USP46: variants seen among roughly 807,000 people sequenced by gnomAD.
The protein encoded by USP46 is ubiquitin carboxyl-terminal hydrolase 46.
Under a neutral mutation model 44.4 loss-of-function variants are expected in USP46, and 12 were observed. The observed-to-expected ratio is 0.27, with a 90% CI of 0.17 to 0.44. The LOEUF (loss-of-function observed/expected upper bound fraction) is 0.44. USP46 is among the 20% of genes least tolerant of loss of function. USP46 has a pLI of 1.00. For missense variants in USP46, 248 were observed against 444.8 expected (o/e 0.56, Z 3.98); for synonymous variants, 155 against 161.5 (o/e 0.96, Z 0.31).
intron 1 of USP46, among the ~76,000 whole-genome samples, chr4:52,649,667 A>G (rs148029655): frequency 1.1e-4 from 17 of 152,302 alleles, no homozygotes; most frequent in African/African-American, 3.9e-4. Context: ...ATACTGCTTT[A>G]CTCCAAGGCA....
chr4:52,602,832 TC>T (rs1016765833), intron 6 of USP46, among the ~76,000 whole-genome samples: 1 of 151,490 alleles, frequency 6.6e-6, no homozygotes, highest in Non-Finnish European at 1.5e-5. Context: ...ATGTTGCACT[TC>T]CCAAACTTAT....
At chr4:52,612,395 G>A (rs903410311) in intron 4 of USP46, among the ~76,000 whole-genome samples, 2 of 152,118 alleles carry the variant, frequency 1.3e-5, no homozygotes, top group African/African-American at 4.8e-5. Flanking sequence ...TGCCTCTACT[G>A]GCTTCTTTGT....
chr4:52,632,990 A>AAAAGAAAGAAAGAAAGAAAGAAAGAAAG (rs71195120), intron 1 of USP46, among the ~76,000 whole-genome samples: 20 of 66,332 alleles, frequency 3.0e-4, no homozygotes, highest in Admixed American at 1.3e-3. Context: ...GAAAGAAAAG[A>AAAAGAAAGAAAGAAAGAAAGAAAGAAAG]AAAGAAAGAA....
At chr4:52,615,825 G>GA (rs200022155) in intron 4 of USP46, among the ~76,000 whole-genome samples, 2 of 151,638 alleles carry the variant, frequency 1.3e-5, no homozygotes, top group East Asian at 1.9e-4. Context: ...ATTACTTAAA[G>GA]AAAAAAAATC....
rs748842503 is a variant in USP46 at position 52,628,152 on chromosome 4, T to C, written c.129A>G (p.Thr43=). The change falls in exon 3 of 9, where the codon ACA becomes ACG. Residue 43 remains threonine, a synonymous_variant. Transcript: ENST00000441222. ...CCTGAAGCACGGAGTTACAGTAGCA[T>C]GTGTTTCCAAACTGCCAAGGGACAA... ...HYFGLVNFGN[T]CYCNSVLQAL... The C allele has an allele frequency of 1.2e-6, 2 of 1,613,708 alleles. No individual in the cohort carries two copies. Among genetic ancestry groups the C allele is most frequent in the South Asian group, 2.2e-5 (2 of 91,060 alleles).
chr4:52,650,455 A>G (rs1718713346), intron 1 of USP46, among the ~76,000 whole-genome samples: 2 of 152,246 alleles, frequency 1.3e-5, no homozygotes, highest in Non-Finnish European at 2.9e-5. Flanking sequence ...CAACTTCAGG[A>G]AAATGGTTTG....
intron 1 of USP46, among the ~76,000 whole-genome samples, chr4:52,645,078 A>T (rs940492082): frequency 1.3e-5 from 2 of 151,998 alleles, no homozygotes; most frequent in Non-Finnish European, 2.9e-5. Flanking sequence ...AACAAAAATT[A>T]GCCGGACATG....
At chr4:52,628,210 G>A (rs766146966) in intron 2 of USP46, 47 bp from the exon 3 acceptor site, 24 of 1,580,312 alleles carry the variant, frequency 1.5e-5, no homozygotes, top group Non-Finnish European at 2.0e-5. Flanking sequence ...CTGGGGATGA[G>A]CCACCTCTGG....
chr4:52,657,408 T>C (rs948065572), intron 1 of USP46, among the ~76,000 whole-genome samples: 1 of 152,104 alleles, frequency 6.6e-6, no homozygotes, highest in Non-Finnish European at 1.5e-5. Context: ...GCTGGCTTCC[T>C]CTAGGGGCAT....
intron 1 of USP46, among the ~76,000 whole-genome samples, chr4:52,635,488 T>G (rs1030500475): frequency 2.6e-5 from 4 of 152,178 alleles, no homozygotes; most frequent in South Asian, 4.2e-4. Flanking sequence ...TCATTTCCAA[T>G]GGTCCCCAAG....
In USP46 at chr4:52,640,924, AT is replaced by A. The variant is rs561028798; in HGVS notation, c.37-9781del. ...AAATACCTCAGAGCTGTATTTGGCC[AT>A]TTTTTTTTTTTTACCACTATGAAAT... On this transcript the variant is annotated intron_variant, in intron 1 of 8. Transcript: ENST00000441222. Among the ~76,000 whole-genome samples, 851 of 144,430 alleles carry A rather than the reference AT, an allele frequency of 5.9e-3. 2 individuals are homozygous for A. Among genetic ancestry groups the A allele is most frequent in the African/African-American group, 0.013 (528 of 39,746 alleles). The allele number at this position is 144,430 out of a possible 152,430, so 94.8% of individuals were successfully genotyped here.
Position 52,591,527 on chromosome 4 carries a change from C to T in USP46, c.*6113G>A, listed in dbSNP as rs750073280. 4.6e-5 allele frequency: 7 copies of T among 152,132 alleles called. No individual in the cohort carries two copies. Among genetic ancestry groups the T allele is most frequent in the African/African-American group, 1.2e-4 (5 of 41,412 alleles). 9.4% of individuals were successfully genotyped at this position (152,132 alleles called of 1,614,324 possible). ...GAAAGAAAAAAGTGAAAGATGCATCCGTGTAATTGACAACCTGAGTACGAT... is the reference window on the plus strand; with the variant it reads ...GAAAGAAAAAAGTGAAAGATGCATCTGTGTAATTGACAACCTGAGTACGAT... On this transcript the variant is annotated 3_prime_UTR_variant, in exon 9 of 9. Transcript: ENST00000441222.
Position 52,628,183 on chromosome 4 carries a change from A to C in USP46, c.118-20T>G. On this transcript the variant is annotated intron_variant, in intron 2 of 8. Coordinates refer to ENST00000441222, the MANE Select transcript of USP46 (RefSeq NM_022832.4). ...TCCAAACTGCCAAGGGACAAGAGGG[A>C]TGGCTCAAGTCATTGCCTGGGGATG... is the stretch of plus-strand genomic sequence containing the variant. 2.5e-6 allele frequency: 4 copies of C among 1,609,624 alleles called. No homozygotes were observed. The highest frequency in any genetic ancestry group is 3.4e-6 in the Non-Finnish European group (4 of 1,176,920).
In USP46 at chr4:52,592,923, C is replaced by T. The variant is rs920157927; in HGVS notation, c.*4717G>A. ...CTGCCATGTAAGATGGGCTTGCTTT[C>T]CCTTTGCCTTCTGCTGATTGTAAGT... is the stretch of plus-strand genomic sequence containing the variant. On this transcript the variant is annotated 3_prime_UTR_variant, in exon 9 of 9. Transcript: ENST00000441222. The T allele has an allele frequency of 1.3e-5, 5 of 398,644 alleles. No individual in the cohort carries two copies. The highest frequency in any genetic ancestry group is 4.4e-5 in the Admixed American group (1 of 22,704). The allele number at this position is 398,644 out of a possible 1,614,324, so 24.7% of individuals were successfully genotyped here.
chr4:52,617,858 T>C (rs1717222267), intron 4 of USP46, among the ~76,000 whole-genome samples: 2 of 152,188 alleles, frequency 1.3e-5, no homozygotes, highest in Non-Finnish European at 2.9e-5. Context: ...GAAACATCTA[T>C]CACTAAGAGA....
chr4:52,628,276 G>T, intron 2 of USP46, 113 bp from the exon 3 acceptor site: 2 of 970,378 alleles, frequency 2.1e-6, no homozygotes, highest in Non-Finnish European at 3.0e-6. Context: ...GGATGTCCCT[G>T]TATTGGAGTC....
At chr4:52,652,611 TAAAC>T (rs1208768039) in intron 1 of USP46, among the ~76,000 whole-genome samples, 1 of 152,148 alleles carries the variant, frequency 6.6e-6, no homozygotes, top group South Asian at 2.1e-4. Context: ...AATCACAATT[TAAAC>T]AATAAAAGCA....
intron 5 of USP46, among the ~76,000 whole-genome samples, chr4:52,606,847 G>A (rs1477636810): frequency 4.6e-5 from 7 of 152,218 alleles, no homozygotes; most frequent in Admixed American, 2.0e-4. Flanking sequence ...GAATGCAAAT[G>A]TACTAAACTT....
intron 1 of USP46, among the ~76,000 whole-genome samples, chr4:52,637,136 C>T (rs1191710755): frequency 6.6e-6 from 1 of 152,168 alleles, no homozygotes; most frequent in Non-Finnish European, 1.5e-5. Flanking sequence ...AGACTTGTCT[C>T]TACTTCCTTA....
Sources: allele counts gnomAD v4.1 joint callset (sites outside exome capture counted in the v4.1 genomes callset), GRCh38; gene constraint gnomAD v4.1.1; transcripts MANE v1.5; gene names NCBI Gene and HGNC (gene_info 2026-07-23, HGNC 2026-07-21).